Variants in RALGAPA2 observed in about 807,000 individuals in gnomAD.
RALGAPA2 encodes Ral GTPase activating protein catalytic subunit alpha 2, also known as ral GTPase-activating protein subunit alpha-2.
A neutral mutation model predicts 230.4 loss-of-function variants in RALGAPA2; 139 were observed. The ratio of observed to expected loss-of-function variants is 0.60; its 90% CI spans 0.53 to 0.69. RALGAPA2 has a LOEUF of 0.69. Among genes scored for constraint, RALGAPA2 ranks in the 30% least tolerant of loss-of-function variants. The probability of loss-of-function intolerance (pLI) is 0.00; values close to 1 mark genes in which losing one functional copy is unlikely to be tolerated. For missense variants in RALGAPA2, 2,163 were observed against 2,276.0 expected (o/e 0.95, Z 1.01); for synonymous variants, 847 against 837.8 (o/e 1.01, Z -0.19).
At chr20:20,492,192 T>G (rs943606073) in intron 36 of RALGAPA2, among the ~76,000 whole-genome samples, 3 of 152,176 alleles carry the variant, frequency 2.0e-5, no homozygotes, top group African/African-American at 7.2e-5. Flanking sequence ...GCAAGACTTT[T>G]GTGTACTGAT....
rs887234943 is a variant in RALGAPA2, at chr20:20,619,409, T to C, written c.1407A>G (p.Ser469=). The C allele has an allele frequency of 6.3e-7, 1 of 1,598,566 alleles. No individual in the cohort carries two copies. Among genetic ancestry groups the C allele is most frequent in the Non-Finnish European group, 8.5e-7 (1 of 1,170,732 alleles). Reference sequence around the variant, plus strand: ...ATCGTTTATGACCAGAACTTTCAGATGAGGCCTTCAGAAGATAATGATCCA... The same window carrying C: ...ATCGTTTATGACCAGAACTTTCAGACGAGGCCTTCAGAAGATAATGATCCA... ...GFSETDSKEA[S]SESSGHKRSS... The change falls in exon 12 of 40, where the codon TCA becomes TCG. Residue 469 remains serine (S), a synonymous_variant. Coordinates refer to ENST00000202677, the MANE Select transcript of RALGAPA2 (RefSeq NM_020343.4).
chr20:20,693,891 G>C (rs1023015348), intron 1 of RALGAPA2, among the ~76,000 whole-genome samples: 1 of 152,156 alleles, frequency 6.6e-6, no homozygotes, highest in African/African-American at 2.4e-5. Flanking sequence ...GATCACTTGA[G>C]CCCAGAGTTC....
At chr20:20,630,050 G>GA (rs1428015249) in intron 9 of RALGAPA2, among the ~76,000 whole-genome samples, 1 of 152,252 alleles carries the variant, frequency 6.6e-6, no homozygotes, top group East Asian at 1.9e-4. Context: ...GCGGCAGCTT[G>GA]ACAGTGGAGT....
At chr20:20,693,570 C>T (rs1390410373) in intron 1 of RALGAPA2, among the ~76,000 whole-genome samples, 2 of 152,154 alleles carry the variant, frequency 1.3e-5, no homozygotes, top group Admixed American at 6.5e-5. Flanking sequence ...ACCCCTCTAA[C>T]TAAGGAGGCA....
At chr20:20,539,456 T>C (rs1020224745) in intron 24 of RALGAPA2, among the ~76,000 whole-genome samples, 7 of 152,214 alleles carry the variant, frequency 4.6e-5, no homozygotes, top group Non-Finnish European at 8.8e-5. Flanking sequence ...GCTACTTTAT[T>C]AATTTTGTGT....
At chr20:20,613,261 G>A (rs948338070) in intron 13 of RALGAPA2, among the ~76,000 whole-genome samples, 1 of 152,334 alleles carries the variant, frequency 6.6e-6, no homozygotes, top group African/African-American at 2.4e-5. Flanking sequence ...TTCTGTTGGA[G>A]CACATGGAAT....
At chr20:20,657,800 T>C (rs1056104912) in intron 3 of RALGAPA2, among the ~76,000 whole-genome samples, 1 of 152,148 alleles carries the variant, frequency 6.6e-6, no homozygotes, top group Non-Finnish European at 1.5e-5. Context: ...ACATTTCATA[T>C]AGGAAATGCT....
intron 37 of RALGAPA2, among the ~76,000 whole-genome samples, chr20:20,459,285 T>C (rs191330261): frequency 9.4e-4 from 143 of 152,348 alleles, no homozygotes; most frequent in Admixed American, 1.7e-3. Flanking sequence ...GATTACTATT[T>C]CCTCTTTATT....
intron 15 of RALGAPA2, among the ~76,000 whole-genome samples, chr20:20,604,799 C>A (rs2065768833): frequency 6.6e-6 from 1 of 152,040 alleles, no homozygotes; most frequent in Non-Finnish European, 1.5e-5. Context: ...GATTGGACAT[C>A]CCTGCAAAGT....
At position 20,619,298 on chromosome 20, in the gene RALGAPA2, G is replaced by A. The variant is rs758141614; in HGVS notation, c.1518C>T (p.Ala506=). 1.5e-5 allele frequency: 24 copies of A among 1,607,726 alleles called. No homozygotes were observed. The highest frequency in any genetic ancestry group is 1.9e-5 in the Non-Finnish European group (22 of 1,176,156). Residue 506 remains alanine (A), a synonymous_variant, in exon 12 of 40, where the codon GCC becomes GCT. Coordinates refer to ENST00000202677, the MANE Select transcript of RALGAPA2 (RefSeq NM_020343.4). ...ATACCTGCAACAAAGCCTGGACGCC[G>A]GCTTTCACATTTGTATTTTCCTCCT... ...VTEEENTNVK[A]GVQALLQVFL...
intron 8 of RALGAPA2, among the ~76,000 whole-genome samples, chr20:20,636,208 T>C (rs2066852443): frequency 6.6e-6 from 1 of 152,188 alleles, no homozygotes; most frequent in South Asian, 2.1e-4. Flanking sequence ...AGAAGTCAGT[T>C]TCTCATTCTT....
chr20:20,515,849 C>CG (rs56844277), intron 31 of RALGAPA2, among the ~76,000 whole-genome samples: 2,277 of 127,354 alleles, frequency 0.018, 47 homozygotes, highest in Admixed American at 0.053. Flanking sequence ...GGGAGTGGGG[C>CG]GGGGGGGGCA....
chr20:20,524,106 G>A (rs1325390742), intron 30 of RALGAPA2, among the ~76,000 whole-genome samples: 3 of 152,120 alleles, frequency 2.0e-5, no homozygotes, highest in Admixed American at 2.0e-4. Flanking sequence ...ACAGGCACCC[G>A]CCACCACGCC....
chr20:20,677,475 G>T (rs148428510), intron 2 of RALGAPA2, among the ~76,000 whole-genome samples: 26 of 152,098 alleles, frequency 1.7e-4, no homozygotes, highest in Non-Finnish European at 2.9e-4. Context: ...GGCCCTTAAG[G>T]CTGGAGCACA....
intron 23 of RALGAPA2, 57 bp from the exon 24 acceptor site, chr20:20,546,889 G>T (rs2063788304): frequency 6.7e-7 from 1 of 1,482,526 alleles, no homozygotes; most frequent in African/African-American, 1.4e-5. Context: ...AAATTCCAAA[G>T]TAGTGTTTGT....
intron 37 of RALGAPA2, among the ~76,000 whole-genome samples, chr20:20,447,817 C>A (rs1053183122): frequency 6.6e-6 from 1 of 152,096 alleles, no homozygotes; most frequent in Non-Finnish European, 1.5e-5. Flanking sequence ...CTGGACTGAG[C>A]CACATCGACA....
intron 23 of RALGAPA2, among the ~76,000 whole-genome samples, chr20:20,568,052 C>G (rs1204715802): frequency 6.6e-6 from 1 of 152,086 alleles, no homozygotes; most frequent in Admixed American, 6.5e-5. Flanking sequence ...CCAGCCCACC[C>G]TCAGACACAA....
Position 20,495,223 on chromosome 20 carries a change from C to T in RALGAPA2, c.5261G>A (p.Arg1754Lys), listed in dbSNP as rs752097353. 6.2e-7 allele frequency: 1 copy of T among 1,610,316 alleles called. No homozygotes were observed. Among genetic ancestry groups the T allele is most frequent in the Admixed American group, 1.7e-5 (1 of 59,926 alleles). ...EVHIVWSEHS[R>K]DYRRGIIPTA... ...TGGGATAATACCCCTGCGGTAGTCT[C>T]TGGAGTGTTCAGACCAGACGATATG... The change falls in exon 36 of 40, where the codon AGA becomes AAA. Residue 1754 changes from arginine to lysine, a missense_variant. Coordinates refer to ENST00000202677, the MANE Select transcript of RALGAPA2 (RefSeq NM_020343.4).
intron 35 of RALGAPA2, among the ~76,000 whole-genome samples, chr20:20,497,291 G>A (rs535011962): frequency 3.9e-5 from 6 of 152,108 alleles, no homozygotes; most frequent in South Asian, 4.2e-4. Context: ...GTGAAAACAC[G>A]GTAGCCAGCA....
Sources: allele counts gnomAD v4.1 joint callset (sites outside exome capture counted in the v4.1 genomes callset), GRCh38; gene constraint gnomAD v4.1.1; transcripts MANE v1.5; gene names NCBI Gene and HGNC (gene_info 2026-07-23, HGNC 2026-07-21).